The following MAP2K1 variants were observed in gnomAD, a reference collection of about 807,000 sequenced individuals.
MAP2K1 encodes mitogen-activated protein kinase kinase 1.
A neutral mutation model predicts 46.3 loss-of-function variants in MAP2K1; 16 were observed. The ratio of observed to expected loss-of-function variants is 0.35; its 90% CI spans 0.23 to 0.52. MAP2K1 has a LOEUF of 0.52. Among genes scored for constraint, MAP2K1 ranks in the 20% least tolerant of loss-of-function variants. The probability of loss-of-function intolerance (pLI) is 0.94; values close to 1 mark genes in which losing one functional copy is unlikely to be tolerated. For missense variants in MAP2K1, 263 were observed against 497.1 expected (o/e 0.53, Z 4.48); for synonymous variants, 183 against 185.6 (o/e 0.99, Z 0.11).
At position 66,468,949 on chromosome 15, in the gene MAP2K1, G is replaced by A. The variant is rs546242288; in HGVS notation, c.569-12806G>A. The stretch of plus-strand genomic sequence containing the variant: ...CAGCCTGGCAACAGAGCAAGACTCC[G>A]TCTCAAAAAAAAAAATTTTTTTTTT... On this transcript the variant is annotated intron_variant, in intron 5 of 10. Coordinates refer to ENST00000307102, the MANE Select transcript of MAP2K1 (RefSeq NM_002755.4). 4.1e-4 allele frequency among the ~76,000 whole-genome samples: 56 copies of A among 137,550 alleles called. 1 individual carries two copies. Among genetic ancestry groups the A allele is most frequent in the Admixed American group, 2.2e-3 (29 of 13,140 alleles). The allele number at this position is 137,550 out of a possible 152,430, so 90.2% of individuals were successfully genotyped here. A position where few individuals can be genotyped will look rare whatever the true frequency, so the allele number is the denominator to read the frequency against.
At position 66,489,140 on chromosome 15, in the gene MAP2K1, G is replaced by A. The variant is rs914160101; in HGVS notation, c.961-75G>A. ...AAAAAAAAGTAGCACTGGCTGGTGG[G>A]AGGGGTGGGATGGGGAGAGGAGATG... On this transcript the variant is annotated intron_variant, in intron 8 of 10. Coordinates refer to ENST00000307102, the MANE Select transcript of MAP2K1 (RefSeq NM_002755.4). 5 of 1,147,812 alleles carry A rather than the reference G, an allele frequency of 4.4e-6. No homozygotes were observed. The African/African-American group carries it at 7.6e-5, about 17-fold the overall frequency. 71.1% of individuals were successfully genotyped at this position (1,147,812 alleles called of 1,614,324 possible). A position where few individuals can be genotyped will look rare whatever the true frequency, so the allele number is the denominator to read the frequency against.
At chr15:66,403,182 C>A (rs1263728964) in intron 1 of MAP2K1, among the ~76,000 whole-genome samples, 3 of 152,182 alleles carry the variant, frequency 2.0e-5, no homozygotes, top group Non-Finnish European at 4.4e-5. Context: ...ATATTACATA[C>A]AGTACATGTT....
intron 1 of MAP2K1, among the ~76,000 whole-genome samples, chr15:66,393,111 G>T (rs1310942080): frequency 6.6e-6 from 1 of 152,074 alleles, no homozygotes; most frequent in Non-Finnish European, 1.5e-5. Context: ...GTACTCAGAA[G>T]TGGAATTGCT....
intron 5 of MAP2K1, 93 bp downstream of exon 5, chr15:66,444,800 A>G: frequency 3.7e-6 from 4 of 1,068,942 alleles, no homozygotes; most frequent in Non-Finnish European, 5.8e-6. Context: ...GTTTTCGTGT[A>G]AAAGCCTTTT....
chr15:66,428,445 G>A (rs2093465774), intron 1 of MAP2K1, among the ~76,000 whole-genome samples: 1 of 152,058 alleles, frequency 6.6e-6, no homozygotes, highest in Non-Finnish European at 1.5e-5. Context: ...GGTTGCATGC[G>A]GTTCAAGTCC....
At chr15:66,475,532 C>T (rs1054892949) in intron 5 of MAP2K1, among the ~76,000 whole-genome samples, 1 of 152,124 alleles carries the variant, frequency 6.6e-6, no homozygotes, top group Non-Finnish European at 1.5e-5. Flanking sequence ...TTCTCTTCCC[C>T]CAAGCCCCAC....
chr15:66,465,477 T>C (rs1194276504), intron 5 of MAP2K1, among the ~76,000 whole-genome samples: 1 of 152,222 alleles, frequency 6.6e-6, no homozygotes, highest in Non-Finnish European at 1.5e-5. Context: ...CTGTAATCTA[T>C]AGATAACATA....
At chr15:66,439,988 A>G (rs762162229) in intron 3 of MAP2K1, among the ~76,000 whole-genome samples, 36 of 151,192 alleles carry the variant, frequency 2.4e-4, no homozygotes, top group Non-Finnish European at 4.7e-4. Context: ...GGAAGTGTAC[A>G]CTCGTACACC....
At chr15:66,423,298 A>T (rs1322569212) in intron 1 of MAP2K1, among the ~76,000 whole-genome samples, 1 of 152,166 alleles carries the variant, frequency 6.6e-6, no homozygotes, top group East Asian at 1.9e-4. Context: ...TTAACATATT[A>T]ATCATAGTTA....
chr15:66,421,087 CACACAT>C (rs1226390782), intron 1 of MAP2K1, among the ~76,000 whole-genome samples: 5 of 58,588 alleles, frequency 8.5e-5, no homozygotes, highest in African/African-American at 2.4e-4. Context: ...TACACATACA[CACACAT>C]ACACACACAC....
intron 5 of MAP2K1, among the ~76,000 whole-genome samples, chr15:66,472,296 T>C (rs1409467139): frequency 8.0e-6 from 1 of 125,594 alleles, no homozygotes; most frequent in Non-Finnish European, 1.7e-5. Context: ...AGTGTGAGAC[T>C]TCGTCTCAAA....
intron 5 of MAP2K1, among the ~76,000 whole-genome samples, chr15:66,456,711 G>A (rs966785847): frequency 5.3e-5 from 8 of 152,182 alleles, no homozygotes; most frequent in African/African-American, 1.9e-4. Flanking sequence ...ACCATTCACT[G>A]TGTCCAGGGG....
At chr15:66,425,881 A>T (rs2140563335) in intron 1 of MAP2K1, among the ~76,000 whole-genome samples, 3 of 152,366 alleles carry the variant, frequency 2.0e-5, no homozygotes, top group African/African-American at 7.2e-5. Context: ...AAGAGACAAC[A>T]CTTTGGCTAA....
At chr15:66,429,381 C>A (rs955660217) in intron 1 of MAP2K1, among the ~76,000 whole-genome samples, 18 of 152,210 alleles carry the variant, frequency 1.2e-4, no homozygotes, top group African/African-American at 4.1e-4. Flanking sequence ...GGAAAACTGC[C>A]CCCATGACTC....
chr15:66,400,135 C>T (rs1173703932), intron 1 of MAP2K1, among the ~76,000 whole-genome samples: 1 of 152,022 alleles, frequency 6.6e-6, no homozygotes, highest in African/African-American at 2.4e-5. Flanking sequence ...GATTTGAGAA[C>T]ACCAAAATAC....
At chr15:66,415,678 A>G (rs1390399593) in intron 1 of MAP2K1, among the ~76,000 whole-genome samples, 2 of 152,072 alleles carry the variant, frequency 1.3e-5, no homozygotes, top group African/African-American at 2.4e-5. Context: ...AAGTTGCCAG[A>G]CTCTTGGTTC....
intron 5 of MAP2K1, among the ~76,000 whole-genome samples, chr15:66,478,055 A>G (rs1195810816): frequency 1.3e-5 from 2 of 151,956 alleles, no homozygotes; most frequent in Non-Finnish European, 2.9e-5. Context: ...GCCCAGGGAA[A>G]GAACAGAGCT....
At chr15:66,481,944 C>T in intron 6 of MAP2K1, 65 bp downstream of exon 6, 3 of 1,576,376 alleles carry the variant, frequency 1.9e-6, no homozygotes, top group Non-Finnish European at 2.6e-6. Flanking sequence ...CCAGTGGGTG[C>T]CTTTCCTGTG....
At chr15:66,477,996 T>C (rs2140660610) in intron 5 of MAP2K1, among the ~76,000 whole-genome samples, 1 of 152,204 alleles carries the variant, frequency 6.6e-6, no homozygotes, top group East Asian at 1.9e-4. Context: ...AAGCAACTGC[T>C]GGACTCATGC....
Sources: allele counts gnomAD v4.1 joint callset (sites outside exome capture counted in the v4.1 genomes callset), GRCh38; gene constraint gnomAD v4.1.1; transcripts MANE v1.5; gene names NCBI Gene and HGNC (gene_info 2026-07-23, HGNC 2026-07-21).